DIAPH2: variants seen among roughly 807,000 people sequenced by gnomAD.
DIAPH2 encodes diaphanous related formin 2, also known as protein diaphanous homolog 2.
DIAPH2 carries 35 observed loss-of-function variants against 92.7 expected under a neutral mutation model. That is an observed-to-expected ratio of 0.38 (90% CI 0.29 to 0.50). The LOEUF is 0.50. Among genes scored for constraint, DIAPH2 ranks in the 20% least tolerant of loss-of-function variants. The pLI, the probability that DIAPH2 is intolerant of heterozygous loss-of-function variation, is 0.94. For synonymous variants in DIAPH2, 301 were observed against 280.4 expected (o/e 1.07, Z -0.73); for missense variants, 701 against 819.5 (o/e 0.86, Z 1.77).
At chrX:97,146,221 T>C (rs2067246855) in intron 22 of DIAPH2, among the ~76,000 whole-genome samples, 1 of 109,106 alleles carries the variant, frequency 9.2e-6, no homozygotes, top group Admixed American at 9.9e-5. Context: ...CATTCAGGAC[T>C]GTGTATAACA....
chrX:97,211,047 A>G (rs925557956), intron 22 of DIAPH2, among the ~76,000 whole-genome samples: 9 of 111,709 alleles, frequency 8.1e-5, no homozygotes, highest in African/African-American at 2.9e-4. Flanking sequence ...CCCATGGGGT[A>G]GGGAGATTAA....
chrX:96,747,877 T>G (rs775403970), intron 3 of DIAPH2, among the ~76,000 whole-genome samples: 3 of 112,433 alleles, frequency 2.7e-5, no homozygotes, highest in Non-Finnish European at 5.6e-5. Context: ...TGGAAATAGT[T>G]GTCAGAAATG....
chrX:97,463,672 G>A (rs980321174), intron 26 of DIAPH2, among the ~76,000 whole-genome samples: 2 of 111,005 alleles, frequency 1.8e-5, no homozygotes, highest in African/African-American at 6.6e-5. Flanking sequence ...TTATGCTCCC[G>A]GCCTCTACTA....
intron 22 of DIAPH2, among the ~76,000 whole-genome samples, chrX:97,233,411 TAAC>T (rs1299827780): frequency 8.9e-6 from 1 of 112,299 alleles, no homozygotes; most frequent in East Asian, 2.8e-4. Flanking sequence ...ACTGGCATAA[TAAC>T]AAGATACGTT....
intron 26 of DIAPH2, among the ~76,000 whole-genome samples, chrX:97,472,225 T>C (rs1290638192): frequency 1.8e-5 from 2 of 112,292 alleles, no homozygotes; most frequent in African/African-American, 3.2e-5. Flanking sequence ...TTATTGATCC[T>C]GAGCCATCTC....
At chrX:97,086,395 G>C (rs1370847654) in intron 19 of DIAPH2, among the ~76,000 whole-genome samples, 1 of 111,746 alleles carries the variant, frequency 8.9e-6, no homozygotes, top group Non-Finnish European at 1.9e-5. Flanking sequence ...CTAGAGGTGG[G>C]AGTGGGGATT....
At chrX:97,161,054 T>G (rs1171529638) in intron 22 of DIAPH2, among the ~76,000 whole-genome samples, 4 of 104,978 alleles carry the variant, frequency 3.8e-5, no homozygotes, top group Admixed American at 1.0e-4. Flanking sequence ...TTTTTTTGTT[T>G]TTTTTTTTTT....
intron 22 of DIAPH2, among the ~76,000 whole-genome samples, chrX:97,204,226 G>C (rs2067776911): frequency 9.0e-6 from 1 of 111,713 alleles, no homozygotes; most frequent in Non-Finnish European, 1.9e-5. Context: ...ATACTGAATG[G>C]GCAATAGCTG....
rs1390886148 is a variant in DIAPH2 at position 97,300,951 on chromosome X, AAAAAAAAAAAAAAAG to A, written c.2845-47162_2845-47148del. On this transcript the variant is annotated intron_variant, in intron 23 of 26. Coordinates refer to ENST00000324765, the MANE Select transcript of DIAPH2 (RefSeq NM_006729.5). Reference sequence around the variant, plus strand: ...CGTCTTAAAAAAAAAAAAAAAAAAAAAAAAAAAAAAAAAAGAAGAAGAAGAATGTCTCCATAGTTA... The same window carrying A: ...CGTCTTAAAAAAAAAAAAAAAAAAAAAAGAAGAAGAATGTCTCCATAGTTA... Among the ~76,000 whole-genome samples the A allele has an allele frequency of 1.4e-3, 101 of 72,345 alleles. 5 individuals carry two copies. Among genetic ancestry groups the A allele is most frequent in the Non-Finnish European group, 1.7e-3 (62 of 36,961 alleles). 62.8% of individuals were successfully genotyped at this position (72,345 alleles called of 115,157 possible).
intron 5 of DIAPH2, among the ~76,000 whole-genome samples, chrX:96,905,822 A>C (rs860479): frequency 0.34 from 38,076 of 111,314 alleles, 5,893 homozygotes; most frequent in South Asian, 0.51. Flanking sequence ...AAAATTGGAT[A>C]GTGACCAGTT....
At chrX:96,983,727 G>A (rs1483355299) in intron 17 of DIAPH2, among the ~76,000 whole-genome samples, 2 of 111,383 alleles carry the variant, frequency 1.8e-5, no homozygotes, top group Admixed American at 9.6e-5. Context: ...TTTCTGCATT[G>A]TATCAATATT....
rs745830154 is a variant in DIAPH2 at position 97,322,152 on chromosome X, A to G, written c.2845-25964A>G. Among the ~76,000 whole-genome samples the G allele has an allele frequency of 2.9e-4, 33 of 112,789 alleles. No individual in the cohort carries two copies. In the South Asian group the frequency reaches 9.1e-3, roughly 31 times the overall value. On this transcript the variant is annotated intron_variant, in intron 23 of 26. Coordinates refer to ENST00000324765, the MANE Select transcript of DIAPH2 (RefSeq NM_006729.5). ...GTTCCACAGTATTTAATGAAGATAT[A>G]TTGTTTATAATTCACACTTTGCAGA...
chrX:97,032,256 AG>A, intron 17 of DIAPH2, among the ~76,000 whole-genome samples: 1 of 111,406 alleles, frequency 9.0e-6, no homozygotes, highest in South Asian at 3.8e-4. Flanking sequence ...GGCAGAGACT[AG>A]TCTGGAGCTT....
At chrX:96,910,371 C>T (rs1450741832) in intron 5 of DIAPH2, among the ~76,000 whole-genome samples, 1 of 110,751 alleles carries the variant, frequency 9.0e-6, no homozygotes, top group Non-Finnish European at 1.9e-5. Context: ...TTAAAATGAG[C>T]TTCTATGTAT....
intron 22 of DIAPH2, among the ~76,000 whole-genome samples, chrX:97,159,638 A>G (rs1270716426): frequency 8.9e-6 from 1 of 111,992 alleles, no homozygotes; most frequent in Non-Finnish European, 1.9e-5. Flanking sequence ...GAGATTTTGC[A>G]TACAACCATA....
At chrX:96,798,231 G>T (rs2064555366) in intron 4 of DIAPH2, among the ~76,000 whole-genome samples, 1 of 112,117 alleles carries the variant, frequency 8.9e-6, no homozygotes, top group Non-Finnish European at 1.9e-5. Flanking sequence ...CAACATTTTG[G>T]AAATTTTTTC....
intron 22 of DIAPH2, among the ~76,000 whole-genome samples, chrX:97,151,304 T>G: frequency 8.9e-6 from 1 of 111,925 alleles, no homozygotes; most frequent in East Asian, 2.8e-4. Flanking sequence ...TTCAGATTTT[T>G]AATATGTGTA....
At chrX:97,374,799 A>G (rs1406580645) in intron 24 of DIAPH2, among the ~76,000 whole-genome samples, 1 of 111,638 alleles carries the variant, frequency 9.0e-6, no homozygotes, top group African/African-American at 3.3e-5. Context: ...GAAAGCCTTA[A>G]TTTGTCTTCA....
chrX:97,051,485 A>G (rs1476442555), intron 17 of DIAPH2, among the ~76,000 whole-genome samples: 2 of 105,394 alleles, frequency 1.9e-5, no homozygotes, highest in African/African-American at 6.9e-5. Flanking sequence ...TTGATGTCTT[A>G]GTGATATATA....
Sources: gnomAD v4.1 joint callset for allele counts (sites outside exome capture counted in the v4.1 genomes callset) on GRCh38, gnomAD v4.1.1 for gene constraint, MANE v1.5 for transcripts, NCBI Gene and HGNC (gene_info 2026-07-23, HGNC 2026-07-21) for gene names.